CNTNAP2: variants seen among roughly 807,000 people sequenced by gnomAD.
CNTNAP2 encodes contactin associated protein 2, also known as contactin-associated protein-like 2.
A neutral mutation model predicts 155.2 loss-of-function variants in CNTNAP2; 98 were observed. The ratio of observed to expected loss-of-function variants is 0.63; its 90% CI spans 0.54 to 0.75. The LOEUF is 0.75. Among genes scored for constraint, CNTNAP2 ranks in the 30% least tolerant of loss-of-function variants. The probability of loss-of-function intolerance (pLI) is 0.00; values close to 1 mark genes in which losing one functional copy is unlikely to be tolerated. For missense variants in CNTNAP2, 1,727 were observed against 1,688.1 expected (o/e 1.02, Z -0.40); for synonymous variants, 651 against 631.2 (o/e 1.03, Z -0.47).
At chr7:146,124,877 G>A (rs1442563582) in intron 1 of CNTNAP2, among the ~76,000 whole-genome samples, 1 of 152,050 alleles carries the variant, frequency 6.6e-6, no homozygotes, top group African/African-American at 2.4e-5. Context: ...TTTGAATGTG[G>A]CCATAGAATC....
intron 15 of CNTNAP2, among the ~76,000 whole-genome samples, chr7:148,115,529 G>C (rs563330895): frequency 6.6e-6 from 1 of 152,282 alleles, no homozygotes; most frequent in East Asian, 1.9e-4. Context: ...ACCCAATTAG[G>C]ATGAGCTGAA....
intron 13 of CNTNAP2, among the ~76,000 whole-genome samples, chr7:147,679,546 A>G (rs771659042): frequency 1.3e-5 from 2 of 151,934 alleles, no homozygotes; most frequent in African/African-American, 2.4e-5. Context: ...TTTCTCACCA[A>G]TAAAAATAGG....
chr7:148,134,397 C>A (rs2116632892), intron 16 of CNTNAP2, among the ~76,000 whole-genome samples: 1 of 152,158 alleles, frequency 6.6e-6, no homozygotes, highest in East Asian at 1.9e-4. Flanking sequence ...GTTTAAACAT[C>A]AGAACATGCT....
At chr7:148,374,939 G>C (rs1563063826) in intron 21 of CNTNAP2, among the ~76,000 whole-genome samples, 1 of 152,170 alleles carries the variant, frequency 6.6e-6, no homozygotes, top group Non-Finnish European at 1.5e-5. Context: ...CCATTATTCT[G>C]AAAGGTCTTG....
intron 22 of CNTNAP2, among the ~76,000 whole-genome samples, chr7:148,399,251 T>G (rs1328707225): frequency 6.6e-6 from 1 of 152,260 alleles, no homozygotes; most frequent in East Asian, 1.9e-4. Context: ...GAACCAGCAG[T>G]AAGAATGTTT....
In CNTNAP2 at chr7:146,972,240, C is replaced by T. The variant is rs895276890; in HGVS notation, c.403-71667C>T. Among the ~76,000 whole-genome samples, 7 of 152,054 alleles carry T rather than the reference C, an allele frequency of 4.6e-5. No individual in the cohort carries two copies. In the East Asian group the frequency reaches 1.3e-3, roughly 29 times the overall value. ...TATCAATCTTTAATAATTTTACTAA[C>T]CTTTATTAATGTATATTCTAGTAAT... On this transcript the variant is annotated intron_variant, in intron 3 of 23. Transcript: ENST00000361727.
intron 1 of CNTNAP2, among the ~76,000 whole-genome samples, chr7:146,454,527 A>C (rs1482535003): frequency 6.6e-6 from 1 of 152,118 alleles, no homozygotes; most frequent in African/African-American, 2.4e-5. Flanking sequence ...ATCCTGGGAC[A>C]CGTTAAAAAG....
chr7:146,550,413 T>TTGTTGTTG (rs1261565587), intron 1 of CNTNAP2, among the ~76,000 whole-genome samples: 6 of 117,120 alleles, frequency 5.1e-5, no homozygotes, highest in Non-Finnish European at 9.8e-5. Flanking sequence ...TTTTTTTTTT[T>TTGTTGTTG]TTTTTTTTTT....
At chr7:146,156,997 CACAG>C (rs1455238064) in intron 1 of CNTNAP2, among the ~76,000 whole-genome samples, 2 of 152,100 alleles carry the variant, frequency 1.3e-5, no homozygotes, top group Non-Finnish European at 2.9e-5. Context: ...GAAATTCAGG[CACAG>C]ACAGGTTGGA....
chr7:148,087,157 G>C (rs1383038046), intron 15 of CNTNAP2, among the ~76,000 whole-genome samples: 1 of 151,982 alleles, frequency 6.6e-6, no homozygotes, highest in Non-Finnish European at 1.5e-5. Flanking sequence ...TCTACAGCGT[G>C]GTCACTGGTA....
At chr7:147,619,159 T>C (rs187010536) in intron 12 of CNTNAP2, among the ~76,000 whole-genome samples, 2 of 152,360 alleles carry the variant, frequency 1.3e-5, no homozygotes, top group Admixed American at 6.5e-5. Context: ...TTTCATAACA[T>C]AGTAATCCAA....
intron 1 of CNTNAP2, among the ~76,000 whole-genome samples, chr7:146,245,675 G>T (rs538949516): frequency 1.3e-5 from 2 of 152,212 alleles, no homozygotes; most frequent in South Asian, 4.1e-4. Context: ...GTTTTTATGA[G>T]AATTATGCCG....
At chr7:147,857,869 A>G (rs17170704) in intron 13 of CNTNAP2, among the ~76,000 whole-genome samples, 1,666 of 152,322 alleles carry the variant, frequency 0.011, 90 homozygotes, top group Admixed American at 0.089. Flanking sequence ...GCTGCAAGTA[A>G]TTATGTACCT....
chr7:147,830,259 T>C (rs1461975481), intron 13 of CNTNAP2, among the ~76,000 whole-genome samples: 1 of 151,534 alleles, frequency 6.6e-6, no homozygotes, highest in Non-Finnish European at 1.5e-5. Flanking sequence ...CCTGCCAAGG[T>C]ATTGGTGGAT....
intron 13 of CNTNAP2, among the ~76,000 whole-genome samples, chr7:147,825,632 G>A (rs1025164394): frequency 2.0e-5 from 3 of 152,198 alleles, no homozygotes; most frequent in South Asian, 4.1e-4. Context: ...ACCTGCACTC[G>A]CTGTCTGCAA....
At chr7:147,483,350 G>T (rs549718852) in intron 10 of CNTNAP2, among the ~76,000 whole-genome samples, 1 of 152,166 alleles carries the variant, frequency 6.6e-6, no homozygotes, top group African/African-American at 2.4e-5. Flanking sequence ...GTGGATTTGG[G>T]TATCTATGGG....
At chr7:147,995,529 G>GTTTTTTT (rs201683391) in intron 15 of CNTNAP2, among the ~76,000 whole-genome samples, 1 of 114,114 alleles carries the variant, frequency 8.8e-6, no homozygotes. Flanking sequence ...TAATTCTTTT[G>GTTTTTTT]TTGTTTTTTT....
At chr7:146,860,364 T>C (rs982483607) in intron 3 of CNTNAP2, among the ~76,000 whole-genome samples, 1 of 152,124 alleles carries the variant, frequency 6.6e-6, no homozygotes, top group Non-Finnish European at 1.5e-5. Context: ...GGAACATGTC[T>C]GTAGGTAAGA....
At chr7:147,523,302 CAG>C (rs778809193) in intron 11 of CNTNAP2, among the ~76,000 whole-genome samples, 14 of 152,230 alleles carry the variant, frequency 9.2e-5, no homozygotes, top group South Asian at 4.2e-4. Flanking sequence ...AGTTCTGACA[CAG>C]AGAGAGGAGA....
Sources: allele counts gnomAD v4.1 joint callset (sites outside exome capture counted in the v4.1 genomes callset), GRCh38; gene constraint gnomAD v4.1.1; transcripts MANE v1.5; gene names NCBI Gene and HGNC (gene_info 2026-07-23, HGNC 2026-07-21).